GRIK1: variants seen among roughly 807,000 people sequenced by gnomAD.
The protein encoded by GRIK1 is glutamate receptor ionotropic, kainate 1.
A neutral mutation model predicts 105.7 loss-of-function variants in GRIK1; 69 were observed. The observed-to-expected ratio is 0.65, with a 90% CI of 0.54 to 0.80. The LOEUF is 0.80. GRIK1 is among the 30% of genes least tolerant of loss of function. GRIK1 has a pLI of 0.00. For synonymous variants in GRIK1, 438 were observed against 431.3 expected (o/e 1.02, Z -0.19); for missense variants, 1,109 against 1,167.3 (o/e 0.95, Z 0.73).
In GRIK1 at chr21:29,894,775, C is replaced by G. The variant is rs542395922; in HGVS notation, c.118+44608G>C. On this transcript the variant is annotated intron_variant, in intron 1 of 17. Transcript: ENST00000327783. Reference sequence around the variant, plus strand: ...CGGCGGGATGGCCTGATTAGGTTCTCTTTGCCAAAAATTGATGAGTGCCCC... The same window carrying G: ...CGGCGGGATGGCCTGATTAGGTTCTGTTTGCCAAAAATTGATGAGTGCCCC... Among the ~76,000 whole-genome samples, 5 of 152,250 alleles carry G rather than the reference C, an allele frequency of 3.3e-5. No individual in the cohort carries two copies. The South Asian group carries it at 1.0e-3, about 32-fold the overall frequency.
At chr21:29,744,119 A>G (rs2064994303) in intron 1 of GRIK1, among the ~76,000 whole-genome samples, 1 of 152,220 alleles carries the variant, frequency 6.6e-6, no homozygotes, top group Admixed American at 6.5e-5. Flanking sequence ...CATAAGTTAT[A>G]AGTTATAAAA....
intron 1 of GRIK1, among the ~76,000 whole-genome samples, chr21:29,827,241 T>C (rs911286406): frequency 2.0e-4 from 30 of 152,244 alleles, no homozygotes; most frequent in South Asian, 4.1e-4. Flanking sequence ...ATACCACACA[T>C]TTTAAAGCAG....
intron 8 of GRIK1, among the ~76,000 whole-genome samples, chr21:29,598,127 A>G (rs1195394430): frequency 6.6e-6 from 1 of 152,220 alleles, no homozygotes; most frequent in African/African-American, 2.4e-5. Context: ...TCTGACGTAT[A>G]GTCATGAATA....
chr21:29,931,896 TA>T, intron 1 of GRIK1, among the ~76,000 whole-genome samples: 1 of 152,322 alleles, frequency 6.6e-6, no homozygotes, highest in East Asian at 1.9e-4. Flanking sequence ...TATGTTTTAA[TA>T]TTTTTTTGAA....
intron 1 of GRIK1, among the ~76,000 whole-genome samples, chr21:29,822,630 T>TA (rs1027266716): frequency 3.9e-5 from 6 of 152,132 alleles, no homozygotes; most frequent in African/African-American, 1.4e-4. Context: ...TAAAAGAAGA[T>TA]AATCTCCTCT....
intron 1 of GRIK1, among the ~76,000 whole-genome samples, chr21:29,736,348 A>G (rs1168921555): frequency 2.0e-5 from 3 of 152,088 alleles, no homozygotes; most frequent in African/African-American, 7.2e-5. Context: ...CTCCAACTTC[A>G]GCCTCCCAAG....
At chr21:29,595,374 G>A (rs1756333543) in intron 9 of GRIK1, among the ~76,000 whole-genome samples, 1 of 149,948 alleles carries the variant, frequency 6.7e-6, no homozygotes, top group South Asian at 2.1e-4. Context: ...CTGGGTGCCG[G>A]TTAGGTTCAT....
intron 1 of GRIK1, among the ~76,000 whole-genome samples, chr21:29,697,338 T>C (rs898268751): frequency 1.3e-5 from 2 of 152,216 alleles, no homozygotes; most frequent in Non-Finnish European, 2.9e-5. Context: ...AACTGACTAC[T>C]TGCCTCAAAA....
intron 1 of GRIK1, among the ~76,000 whole-genome samples, chr21:29,746,647 G>C (rs2065056386): frequency 6.6e-6 from 1 of 152,184 alleles, no homozygotes; most frequent in Non-Finnish European, 1.5e-5. Context: ...ATGAGAAAAA[G>C]TTCAAGTGAA....
Position 29,892,550 on chromosome 21 carries a change from C to T in GRIK1, c.118+46833G>A, listed in dbSNP as rs544385506. 9.5e-4 allele frequency among the ~76,000 whole-genome samples: 144 copies of T among 152,178 alleles called. 1 individual carries two copies. The highest frequency in any genetic ancestry group is 3.4e-3 in the African/African-American group (143 of 41,462). On this transcript the variant is annotated intron_variant, in intron 1 of 17. Coordinates refer to ENST00000327783, the MANE Select transcript of GRIK1 (RefSeq NM_001330994.2). ...GCTGGGTGAAGAATGGATTGGCAGG[C>T]CAGGGCAGCTGGCTGCCTGGAAGGC... is the stretch of plus-strand genomic sequence containing the variant.
intron 1 of GRIK1, among the ~76,000 whole-genome samples, chr21:29,878,548 C>T (rs1424120281): frequency 6.6e-6 from 1 of 152,054 alleles, no homozygotes; most frequent in Non-Finnish European, 1.5e-5. Context: ...CAGGATTTAG[C>T]CACTGCTATA....
At chr21:29,801,398 A>G (rs935254600) in intron 1 of GRIK1, among the ~76,000 whole-genome samples, 2 of 152,090 alleles carry the variant, frequency 1.3e-5, no homozygotes, top group African/African-American at 4.8e-5. Context: ...TAGTCAGGCT[A>G]TTGATCAGGG....
At chr21:29,731,973 TCTC>T (rs777322314) in intron 1 of GRIK1, among the ~76,000 whole-genome samples, 57 of 152,306 alleles carry the variant, frequency 3.7e-4, no homozygotes, top group Non-Finnish European at 4.9e-4. Context: ...ACAGATGTCT[TCTC>T]CTTCTTAGTG....
chr21:29,643,149 T>A (rs760733948), intron 6 of GRIK1, among the ~76,000 whole-genome samples, 180 bp from the exon 7 acceptor site: 4 of 152,090 alleles, frequency 2.6e-5, no homozygotes, highest in Admixed American at 6.6e-5. Flanking sequence ...TACCTCACAC[T>A]TTGGAGTAAA....
intron 1 of GRIK1, among the ~76,000 whole-genome samples, chr21:29,728,348 G>C (rs1340442129): frequency 6.6e-6 from 1 of 152,166 alleles, no homozygotes; most frequent in Non-Finnish European, 1.5e-5. Context: ...GAAGGCCAAG[G>C]TCAGCAAGGC....
intron 1 of GRIK1, among the ~76,000 whole-genome samples, chr21:29,867,843 G>GAAAGAAA (rs1353645612): frequency 0.097 from 11,751 of 120,918 alleles, 609 homozygotes; most frequent in South Asian, 0.21. Context: ...AAAGAAAGAA[G>GAAAGAAA]GAAGGAAAGA....
In GRIK1 at chr21:29,844,586, T is replaced by A. The variant is rs145406577; in HGVS notation, c.118+94797A>T. Among the ~76,000 whole-genome samples, 54 of 152,320 alleles carry A rather than the reference T, an allele frequency of 3.5e-4. 2 individuals are homozygous for A. In the East Asian group the frequency reaches 0.01, roughly 28 times the overall value. ...AATCCCTTCTGATTTAAGGAAAATA[T>A]AACAAAAACACGAATATTAGACACA... On this transcript the variant is annotated intron_variant, in intron 1 of 17. Coordinates refer to ENST00000327783, the MANE Select transcript of GRIK1 (RefSeq NM_001330994.2).
At chr21:29,808,237 C>T (rs1245052637) in intron 1 of GRIK1, among the ~76,000 whole-genome samples, 1 of 152,114 alleles carries the variant, frequency 6.6e-6, no homozygotes, top group East Asian at 1.9e-4. Context: ...ATTAATTGCA[C>T]TCTCCAACCC....
chr21:29,860,191 T>C (rs2068592895), intron 1 of GRIK1, among the ~76,000 whole-genome samples: 1 of 152,206 alleles, frequency 6.6e-6, no homozygotes, highest in Admixed American at 6.5e-5. Context: ...CTGATCCTCT[T>C]GGGGACTCCA....
Sources: gnomAD v4.1 joint callset for allele counts (sites outside exome capture counted in the v4.1 genomes callset) on GRCh38, gnomAD v4.1.1 for gene constraint, MANE v1.5 for transcripts, NCBI Gene and HGNC (gene_info 2026-07-23, HGNC 2026-07-21) for gene names.